Variants in ACACA observed in about 807,000 individuals in gnomAD.
The protein encoded by ACACA is acetyl-CoA carboxylase 1.
Under a neutral mutation model 296.1 loss-of-function variants are expected in ACACA, and 103 were observed. The ratio of observed to expected loss-of-function variants is 0.35; its 90% CI spans 0.30 to 0.41. ACACA has a LOEUF of 0.41. ACACA is among the 10% of genes least tolerant of loss of function. ACACA has a pLI of 1.00. For missense variants in ACACA, 1,554 were observed against 2,989.7 expected (o/e 0.52, Z 11.20); for synonymous variants, 953 against 1,038.6 (o/e 0.92, Z 1.58).
intron 4 of ACACA, among the ~76,000 whole-genome samples, chr17:37,284,221 T>C (rs973756083): frequency 4.1e-4 from 63 of 152,294 alleles, no homozygotes; most frequent in African/African-American, 1.4e-3. Flanking sequence ...TCTAAGTATA[T>C]CATGTGGTAT....
intron 1 of ACACA, among the ~76,000 whole-genome samples, chr17:37,388,176 ATT>A (rs2050632391): frequency 6.6e-6 from 1 of 151,982 alleles, no homozygotes; most frequent in Non-Finnish European, 1.5e-5. Flanking sequence ...CATATTAGCC[ATT>A]TGCCGCCAGA....
chr17:37,348,046 G>A (rs756328355), intron 1 of ACACA, among the ~76,000 whole-genome samples: 40 of 151,704 alleles, frequency 2.6e-4, no homozygotes, highest in Non-Finnish European at 5.3e-4. Flanking sequence ...GGTGCTACAC[G>A]CCTGTAATCC....
chr17:37,276,077 G>C (rs761374113), intron 7 of ACACA, 28 bp from the exon 8 acceptor site: 17 of 1,551,760 alleles, frequency 1.1e-5, no homozygotes, highest in Non-Finnish European at 1.5e-5. Flanking sequence ...AAAGAATCCT[G>C]ACTGTAACAC....
At chr17:37,116,359 T>C (rs2074253967) in intron 50 of ACACA, among the ~76,000 whole-genome samples, 1 of 152,148 alleles carries the variant, frequency 6.6e-6, no homozygotes, top group Non-Finnish European at 1.5e-5. Context: ...ACATCTAATA[T>C]GATGAGTAAA....
At chr17:37,287,007 T>C (rs1428417516) in intron 3 of ACACA, among the ~76,000 whole-genome samples, 1 of 152,238 alleles carries the variant, frequency 6.6e-6, no homozygotes, top group Non-Finnish European at 1.5e-5. Context: ...CTATTGAATG[T>C]TCTCTGTTTA....
At chr17:37,099,522 C>A (rs1354991850) in intron 52 of ACACA, among the ~76,000 whole-genome samples, 2 of 143,658 alleles carry the variant, frequency 1.4e-5, no homozygotes, top group Non-Finnish European at 3.0e-5. Flanking sequence ...AGCAGGAGGG[C>A]TGATGGGAGG....
intron 41 of ACACA, among the ~76,000 whole-genome samples, chr17:37,169,289 A>G (rs755410213): frequency 1.5e-4 from 23 of 152,214 alleles, no homozygotes; most frequent in Non-Finnish European, 2.5e-4. Context: ...GTGTTTTTAA[A>G]TTATTCTCTA....
At chr17:37,254,402 T>G (rs1314774850) in intron 14 of ACACA, among the ~76,000 whole-genome samples, 1 of 152,170 alleles carries the variant, frequency 6.6e-6, no homozygotes, top group Non-Finnish European at 1.5e-5. Context: ...GTGTCCTCCT[T>G]TGACCTGACT....
chr17:37,296,066 C>A (rs546619666), intron 3 of ACACA, among the ~76,000 whole-genome samples: 33 of 152,272 alleles, frequency 2.2e-4, no homozygotes, highest in African/African-American at 7.9e-4. Flanking sequence ...CTAGAGATTT[C>A]CATTGTTACT....
chr17:37,332,317 A>T (rs531067112), intron 2 of ACACA, among the ~76,000 whole-genome samples: 1 of 151,564 alleles, frequency 6.6e-6, no homozygotes, highest in Non-Finnish European at 1.5e-5. Context: ...ATAAAAATTT[A>T]AAAATATTTT....
intron 45 of ACACA, among the ~76,000 whole-genome samples, chr17:37,134,170 C>T (rs890820668): frequency 2.0e-5 from 3 of 152,232 alleles, no homozygotes; most frequent in African/African-American, 7.2e-5. Flanking sequence ...CGTCCATGCT[C>T]AGGCCTCTGC....
intron 3 of ACACA, chr17:37,289,527 G>A: frequency 7.4e-7 from 1 of 1,348,380 alleles, no homozygotes; most frequent in Middle Eastern, 2.1e-4. Flanking sequence ...GTATTTCAAA[G>A]TCTGAGGATA....
intron 1 of ACACA, among the ~76,000 whole-genome samples, chr17:37,365,184 C>G (rs956001624): frequency 1.3e-5 from 2 of 152,128 alleles, no homozygotes; most frequent in African/African-American, 4.8e-5. Context: ...GTCTCAAACA[C>G]CTGACCTCAA....
chr17:37,371,583 A>C (rs1234422836), intron 1 of ACACA, among the ~76,000 whole-genome samples: 1 of 151,912 alleles, frequency 6.6e-6, no homozygotes, highest in Non-Finnish European at 1.5e-5. Flanking sequence ...ACTCTCCTGT[A>C]TATATGGTAT....
Position 37,385,064 on chromosome 17 carries a change from G to A in ACACA, c.38+21198C>T, listed in dbSNP as rs116943077. ...ATCTCCCATCACTTCCACTGCTGGT[G>A]TGAATCACATCATCTCTCATCTGGA... On this transcript the variant is annotated intron_variant, in intron 1 of 55. Transcript: ENST00000616317. Among the ~76,000 whole-genome samples, 684 of 152,278 alleles carry A rather than the reference G, an allele frequency of 4.5e-3. 30 individuals carry two copies. In the East Asian group the frequency reaches 0.096, roughly 21 times the overall value.
chr17:37,242,573 T>G lies in ACACA; in HGVS notation c.2932-520A>C, dbSNP rs947773739. Among the ~76,000 whole-genome samples the G allele has an allele frequency of 5.5e-4, 83 of 151,810 alleles. 2 individuals are homozygous for G. Among genetic ancestry groups the G allele is most frequent in the Non-Finnish European group, 4.0e-4 (27 of 67,980 alleles). On this transcript the variant is annotated intron_variant, in intron 22 of 55. Coordinates refer to ENST00000616317, the MANE Select transcript of ACACA (RefSeq NM_198834.3). ...CGAGACCCCCATCTCTATAAAAATT[T>G]TTTAAAAATTAGCTGGGCATAGTGG...
At chr17:37,368,035 C>G (rs2049669610) in intron 1 of ACACA, among the ~76,000 whole-genome samples, 1 of 152,188 alleles carries the variant, frequency 6.6e-6, no homozygotes, top group Non-Finnish European at 1.5e-5. Context: ...CCACTGCACT[C>G]CAGCCTGGGC....
intron 1 of ACACA, among the ~76,000 whole-genome samples, chr17:37,350,176 T>A (rs750350345): frequency 3.6e-4 from 54 of 151,596 alleles, no homozygotes; most frequent in Non-Finnish European, 5.6e-4. Flanking sequence ...ATAAAAAAAT[T>A]AAAAATTTGC....
In ACACA at chr17:37,121,367, C is replaced by T. The variant is rs755296755; in HGVS notation, c.6262G>A (p.Gly2088Ser). Residue 2088 changes from glycine to serine, a missense_variant, in exon 50 of 56, where the codon GGT becomes AGT. This residue lies in a region of ACACA where 553 missense variants were observed against 1,043.6 expected (regional missense o/e 0.53). Coordinates refer to ENST00000616317, the MANE Select transcript of ACACA (RefSeq NM_198834.3). ...MVFANWRGFS[G>S]GMKDMYDQVL... is the part of the protein sequence containing the mutation. ...GCAGCCCAGTCACCTTTCATTCCAC[C>T]AGAGAAGCCTCTCCAGTTGGCAAAG... is the stretch of plus-strand genomic sequence containing the variant. 1.2e-6 allele frequency: 2 copies of T among 1,614,074 alleles called. No individual in the cohort carries two copies. Among genetic ancestry groups the T allele is most frequent in the Non-Finnish European group, 1.7e-6 (2 of 1,179,996 alleles).
Sources: allele counts gnomAD v4.1 joint callset (sites outside exome capture counted in the v4.1 genomes callset), GRCh38; gene constraint gnomAD v4.1.1; regional missense constraint gnomAD v4.1.1; transcripts MANE v1.5; gene names NCBI Gene and HGNC (gene_info 2026-07-23, HGNC 2026-07-21).